Variants in MFHAS1 observed in about 807,000 individuals in gnomAD.
The protein encoded by MFHAS1 is malignant fibrous histiocytoma-amplified sequence 1.
In MFHAS1, 50 loss-of-function variants were observed where a neutral mutation model predicts 70.4. The observed-to-expected ratio is 0.71, with a 90% CI of 0.57 to 0.90. The LOEUF (loss-of-function observed/expected upper bound fraction) is 0.90, where lower values mean the gene tolerates loss of function less well. Ranked by LOEUF, MFHAS1 falls within the 40% of genes least tolerant of loss-of-function variation. The pLI, the probability that MFHAS1 is intolerant of heterozygous loss-of-function variation, is 0.00. For missense variants in MFHAS1, 1,795 were observed against 1,347.6 expected (o/e 1.33, Z -5.20); for synonymous variants, 952 against 620.0 (o/e 1.54, Z -7.96).
At chr8:8,836,272 C>G (rs932144684) in intron 1 of MFHAS1, among the ~76,000 whole-genome samples, 1 of 152,210 alleles carries the variant, frequency 6.6e-6, no homozygotes, top group Non-Finnish European at 1.5e-5. Flanking sequence ...TGAGTAGCCT[C>G]AGGTTCTGGG....
At chr8:8,888,034 C>G (rs541097194) in intron 1 of MFHAS1, among the ~76,000 whole-genome samples, 13 of 152,112 alleles carry the variant, frequency 8.5e-5, no homozygotes, top group African/African-American at 3.1e-4. Context: ...CCTGTAAATG[C>G]GTAACTCCCA....
chr8:8,868,497 C>T (rs1585061753), intron 1 of MFHAS1, among the ~76,000 whole-genome samples: 1 of 151,604 alleles, frequency 6.6e-6, no homozygotes, highest in Non-Finnish European at 1.5e-5. Flanking sequence ...CCTTGGTAGA[C>T]AGATGTGCCC....
rs1810064674 is a variant in MFHAS1 at position 8,891,915 on chromosome 8, AG to A, written c.1143del (p.Tyr382ThrfsTer5). 6.2e-7 allele frequency: 1 copy of A among 1,610,726 alleles called. No individual in the cohort carries two copies. On this transcript the variant is annotated frameshift_variant, in exon 1 of 3. Coordinates refer to ENST00000276282, the MANE Select transcript of MFHAS1 (RefSeq NM_004225.3). LOFTEE classifies it high-confidence loss of function. This position sits in a 1 kb window ranked among gnomAD's most constrained non-coding sequence, Gnocchi z 5.4. ...GGGATCCCCTTCATGCAGACCTCGT[AG>A]GGGGGCTGGATCAGTGGGTTGTCTT... ...KIKDNPLIQP[P>X]YEVCMKGIPY...
chr8:8,794,218 A>G (rs1265364245), intron 2 of MFHAS1, among the ~76,000 whole-genome samples: 1 of 152,014 alleles, frequency 6.6e-6, no homozygotes, highest in Non-Finnish European at 1.5e-5. Context: ...CCTGACCTCT[A>G]TGGTGACCTG....
At chr8:8,827,518 A>C (rs1183566083) in intron 1 of MFHAS1, among the ~76,000 whole-genome samples, 2 of 152,246 alleles carry the variant, frequency 1.3e-5, no homozygotes, top group Admixed American at 6.5e-5. Context: ...AGTGAAGTTT[A>C]CTATGTTTTC....
intron 1 of MFHAS1, among the ~76,000 whole-genome samples, chr8:8,834,438 G>C (rs753535063): frequency 7.2e-5 from 11 of 152,166 alleles, no homozygotes; most frequent in Non-Finnish European, 1.3e-4. Flanking sequence ...CCATTCACGA[G>C]ACGTGCCCTA....
rs770370271 is a variant in MFHAS1 at position 8,891,541 on chromosome 8, G to C, written c.1518C>G (p.Thr506=). ...TGGTAGGAAAGTGGCGAGGCTCATA[G>C]GTGGCCAAGTTGACCACCAGCACGT... ...ALYVLVVNLA[T]YEPRHFPTTV... is the part of the protein sequence containing the mutation. The change falls in exon 1 of 3, where the codon ACC becomes ACG. Residue 506 remains threonine (T), a synonymous_variant. Coordinates refer to ENST00000276282, the MANE Select transcript of MFHAS1 (RefSeq NM_004225.3). This position sits in a 1 kb window ranked among gnomAD's most constrained non-coding sequence, Gnocchi z 5.4. 13 of 1,612,992 alleles carry C rather than the reference G, an allele frequency of 8.1e-6. No homozygotes were observed. The South Asian group carries it at 1.2e-4, about 15-fold the overall frequency.
At chr8:8,813,992 G>A (rs1470404386) in intron 1 of MFHAS1, among the ~76,000 whole-genome samples, 1 of 149,796 alleles carries the variant, frequency 6.7e-6, no homozygotes, top group Non-Finnish European at 1.5e-5. Flanking sequence ...ATGCTGGAGT[G>A]CAGGGGCATG....
At chr8:8,866,186 T>A (rs570322344) in intron 1 of MFHAS1, among the ~76,000 whole-genome samples, 1 of 152,142 alleles carries the variant, frequency 6.6e-6, no homozygotes, top group Non-Finnish European at 1.5e-5. Context: ...ATTGGTTCAG[T>A]AAAATCAGTG....
Position 8,803,401 on chromosome 8 carries a change from C to T in MFHAS1, c.2999-5910G>A, listed in dbSNP as rs112769142. 0.016 allele frequency among the ~76,000 whole-genome samples: 2,395 copies of T among 151,686 alleles called. 112 individuals are homozygous for T. In the East Asian group the frequency reaches 0.19, roughly 12 times the overall value. On this transcript the variant is annotated intron_variant, in intron 1 of 2. Coordinates refer to ENST00000276282, the MANE Select transcript of MFHAS1 (RefSeq NM_004225.3). ...GGATGGTGGTAGGCACCTGTAATCC[C>T]AGCTACCTGGGAGGCTGAGGCAGAA...
In MFHAS1 at chr8:8,891,032, G is replaced by C; in HGVS notation, c.2027C>G (p.Ala676Gly). 6.2e-7 allele frequency: 1 copy of C among 1,613,736 alleles called. No individual in the cohort carries two copies. The highest frequency in any genetic ancestry group is 8.5e-7 in the Non-Finnish European group (1 of 1,179,906). ...LEELHFQPPQ[A>G]QRLWLSWWDS... ...CCACCAGCTTAGCCACAGTCGCTGG[G>C]CCTGAGGTGGCTGGAAATGCAGTTC... Residue 676 changes from alanine to glycine, a missense_variant, in exon 1 of 3, where the codon GCC becomes GGC. Physicochemically the swap from Ala to Gly is moderately conservative, Grantham distance 60 (BLOSUM62 0). Coordinates refer to ENST00000276282, the MANE Select transcript of MFHAS1 (RefSeq NM_004225.3). This position sits in a 1 kb window ranked among gnomAD's most constrained non-coding sequence, Gnocchi z 5.4.
intron 1 of MFHAS1, among the ~76,000 whole-genome samples, chr8:8,883,457 C>G (rs1469482727): frequency 6.6e-6 from 1 of 151,146 alleles, no homozygotes; most frequent in African/African-American, 2.4e-5. Context: ...CCTGTAATCC[C>G]AGCACTTTGG....
At position 8,892,827 on chromosome 8, in the gene MFHAS1, C is replaced by G. The variant is rs1237415388; in HGVS notation, c.232G>C (p.Val78Leu). The G allele has an allele frequency of 1.1e-5, 18 of 1,593,660 alleles. No individual in the cohort carries two copies. Among genetic ancestry groups the G allele is most frequent in the Non-Finnish European group, 1.5e-5 (18 of 1,170,718 alleles). The change falls in exon 1 of 3, where the codon GTA (valine) becomes CTA (leucine). Residue 78 changes from valine to leucine, a missense_variant. Val to Leu is a conservative substitution (Grantham distance 32). Transcript: ENST00000276282. The surrounding 1 kb of genome is among the most constrained non-coding windows in gnomAD (Gnocchi z 4.7). ...LNLGNNGLEE[V>L]PEGLGSALGS... ...AGCGCCGACCCCAGCCCCTCGGGTA[C>G]CTCCTCCAGGCCGTTGTTCCCCAGG...
intron 2 of MFHAS1, among the ~76,000 whole-genome samples, chr8:8,793,371 T>C (rs1324924147): frequency 6.6e-6 from 1 of 152,208 alleles, no homozygotes; most frequent in African/African-American, 2.4e-5. Context: ...GACAGGCAGT[T>C]AAATGACAAG....
chr8:8,837,741 T>C (rs944407087), intron 1 of MFHAS1, among the ~76,000 whole-genome samples: 1 of 151,740 alleles, frequency 6.6e-6, no homozygotes, highest in Admixed American at 6.6e-5. Context: ...GCACACCCAT[T>C]AGGAGGGCTA....
intron 1 of MFHAS1, among the ~76,000 whole-genome samples, chr8:8,836,782 G>C (rs143527227): frequency 1.1e-3 from 171 of 152,278 alleles, no homozygotes; most frequent in African/African-American, 4.0e-3. Flanking sequence ...ACTTCCTTTA[G>C]TTTCCTTTCT....
intron 1 of MFHAS1, among the ~76,000 whole-genome samples, chr8:8,825,527 G>A (rs1342659803): frequency 1.3e-5 from 2 of 152,198 alleles, no homozygotes; most frequent in Non-Finnish European, 2.9e-5. Flanking sequence ...CAAGATCAAG[G>A]TGCTGGCAGG....
chr8:8,789,204 C>T (rs1805649512), intron 2 of MFHAS1, among the ~76,000 whole-genome samples: 1 of 152,112 alleles, frequency 6.6e-6, no homozygotes, highest in Admixed American at 6.5e-5. Flanking sequence ...TCATTCATGT[C>T]ACGACACAGA....
At chr8:8,836,998 G>C (rs1423083985) in intron 1 of MFHAS1, among the ~76,000 whole-genome samples, 4 of 152,172 alleles carry the variant, frequency 2.6e-5, no homozygotes, top group African/African-American at 7.2e-5. Context: ...TCATGCAAAA[G>C]AGATTTTAAG....
Sources: allele counts gnomAD v4.1 joint callset (sites outside exome capture counted in the v4.1 genomes callset), GRCh38; gene constraint gnomAD v4.1.1; non-coding constraint Gnocchi (gnomAD v3.1); transcripts MANE v1.5; gene names NCBI Gene and HGNC (gene_info 2026-07-23, HGNC 2026-07-21).